NEMF: variants seen among roughly 807,000 people sequenced by gnomAD.
The protein encoded by NEMF is nuclear export mediator factor.
In NEMF, 89 loss-of-function variants were observed where a neutral mutation model predicts 162.2. The observed-to-expected ratio is 0.55, with a 90% CI of 0.46 to 0.65. The LOEUF is 0.65. Among genes scored for constraint, NEMF ranks in the 30% least tolerant of loss-of-function variants. The pLI is 0.00. For synonymous variants in NEMF, 421 were observed against 404.5 expected, an observed-to-expected ratio of 1.04 and a Z score of -0.49; for missense variants, 1,133 against 1,261.9, an observed-to-expected ratio of 0.90 and a Z score of 1.55.
At position 49,828,700 on chromosome 14, in the gene NEMF, T is replaced by C; in HGVS notation, c.1340A>G (p.Asn447Ser). The C allele has an allele frequency of 6.2e-7, 1 of 1,607,412 alleles. No homozygotes were observed. Among genetic ancestry groups the C allele is most frequent in the Non-Finnish European group, 8.5e-7 (1 of 1,178,250 alleles). The change falls in exon 14 of 33, where the codon AAT becomes AGT. Residue 447 changes from asparagine to serine, a missense_variant. Asn to Ser is a conservative substitution (Grantham distance 46, BLOSUM62 1). Transcript: ENST00000298310. ...PPKGKKKKQK[N>S]KQLQKPQKNK... The stretch of plus-strand genomic sequence containing the variant: ...TTTCTGAGGCTTCTGCAGCTGTTTA[T>C]TCTTTTGTTTTTTCTTTTTTCCTTT...
rs755762269 is a variant in NEMF at position 49,832,105 on chromosome 14, G to C, written c.828C>G (p.Phe276Leu). Residue 276 changes from phenylalanine to leucine, a missense_variant, in exon 10 of 33, where the codon TTC (phenylalanine) becomes TTG (leucine). By Grantham distance (22) the Phe-to-Leu change is conservative. This residue lies in a region of NEMF where 582 missense variants were observed against 631.5 expected (regional missense o/e 0.92). Coordinates refer to ENST00000298310, the MANE Select transcript of NEMF (RefSeq NM_004713.6). The part of the protein sequence containing the change: ...DILTYEEFHP[F>L]LFSQHSQCPY... ...GACATTGTGAATGTTGAGAAAACAA[G>C]AAAGGATGAAATTCCTCATACCTGT... 6.2e-7 allele frequency: 1 copy of C among 1,605,228 alleles called. No individual in the cohort carries two copies. Among genetic ancestry groups the C allele is most frequent in the South Asian group, 1.1e-5 (1 of 88,972 alleles).
At chr14:49,840,328 G>A (rs1893133872) in intron 5 of NEMF, among the ~76,000 whole-genome samples, 1 of 152,154 alleles carries the variant, frequency 6.6e-6, no homozygotes, top group South Asian at 2.1e-4. Flanking sequence ...TGGGCGTGGT[G>A]GCGCACGCCT....
chr14:49,786,511 TTCAGA>T (rs762575442), intron 29 of NEMF: 1 of 574,530 alleles, frequency 1.7e-6, no homozygotes, highest in Non-Finnish European at 3.1e-6. Flanking sequence ...ATCCCCATTC[TTCAGA>T]TGAGGAAACT....
chr14:49,832,423 C>G, intron 8 of NEMF, 146 bp from the exon 9 acceptor site: 1 of 575,744 alleles, frequency 1.7e-6, no homozygotes, highest in Non-Finnish European at 3.0e-6. Flanking sequence ...CCTCTGCCTC[C>G]CGGGTTCAAG....
chr14:49,816,549 C>T (rs541649426), intron 16 of NEMF, among the ~76,000 whole-genome samples: 10 of 152,172 alleles, frequency 6.6e-5, no homozygotes, highest in Admixed American at 3.3e-4. Flanking sequence ...CCTACGGATA[C>T]GTGATGTCAC....
chr14:49,803,427 A>T (rs774517421), intron 19 of NEMF, 133 bp from the exon 20 acceptor site: 7 of 547,196 alleles, frequency 1.3e-5, no homozygotes, highest in Non-Finnish European at 2.2e-5. Context: ...TTTCGTACAA[A>T]TTCTCAATAC....
intron 16 of NEMF, chr14:49,820,296 T>A: frequency 2.6e-6 from 1 of 391,406 alleles, no homozygotes; most frequent in South Asian, 1.9e-5. Flanking sequence ...TTTGTTGAAA[T>A]GACACATTTG....
chr14:49,799,414 G>C, intron 25 of NEMF, 61 bp downstream of exon 25: 2 of 1,356,970 alleles, frequency 1.5e-6, no homozygotes, highest in South Asian at 1.3e-5. Context: ...TGGTAGCTGA[G>C]CTATCAATTA....
intron 14 of NEMF, 22 bp from the exon 15 acceptor site, chr14:49,828,376 A>T (rs772003980): frequency 7.0e-7 from 1 of 1,426,210 alleles, no homozygotes. Flanking sequence ...TATTTCTCTT[A>T]AATTTTAAGT....
At chr14:49,834,147 G>A in intron 7 of NEMF, 1 of 593,576 alleles carries the variant, frequency 1.7e-6, no homozygotes, top group South Asian at 1.6e-5. Flanking sequence ...CTGGAGTGCA[G>A]CTGTGCAGTC....
rs922998006 is a variant in NEMF at position 49,827,099 on chromosome 14, T to A, written c.1489-1144A>T. Among the ~76,000 whole-genome samples, 5 of 152,300 alleles carry A rather than the reference T, an allele frequency of 3.3e-5. No individual in the cohort carries two copies. The South Asian group carries it at 6.2e-4, about 19-fold the overall frequency. ...AGGTCAGAGGGGAGGAGATCTCCCG[T>A]CCTTCTTGCAGGATAGGAGAAGGGC... On this transcript the variant is annotated intron_variant, in intron 15 of 32. Coordinates refer to ENST00000298310, the MANE Select transcript of NEMF (RefSeq NM_004713.6).
At chr14:49,837,502 AT>A (rs988451964) in intron 6 of NEMF, among the ~76,000 whole-genome samples, 1 of 152,144 alleles carries the variant, frequency 6.6e-6, no homozygotes, top group African/African-American at 2.4e-5. Flanking sequence ...AACAAAAAAA[AT>A]AAATTAAAAA....
At position 49,838,111 on chromosome 14, in the gene NEMF, T is replaced by C. The variant is rs1892997497; in HGVS notation, c.574+28A>G. The C allele has an allele frequency of 2.6e-6, 4 of 1,567,882 alleles. No individual in the cohort carries two copies. In the East Asian group the frequency reaches 9.0e-5, roughly 35 times the overall value. On this transcript the variant is annotated intron_variant, in intron 6 of 32. Coordinates refer to ENST00000298310, the MANE Select transcript of NEMF (RefSeq NM_004713.6). ...TGAAAACCACACTGCCTTGCAAACATTTCACTGCTATTTGCAGGAATACTC... is the reference window on the plus strand; with the variant it reads ...TGAAAACCACACTGCCTTGCAAACACTTCACTGCTATTTGCAGGAATACTC...
At chr14:49,843,972 G>A (rs1264274998) in intron 4 of NEMF, among the ~76,000 whole-genome samples, 1 of 151,946 alleles carries the variant, frequency 6.6e-6, no homozygotes, top group Non-Finnish European at 1.5e-5. Context: ...GGTAGTACAT[G>A]CCAGTAATAC....
In NEMF at chr14:49,813,971, A is replaced by C. The variant is rs1275616332; in HGVS notation, c.1744+17T>G. On this transcript the variant is annotated intron_variant, in intron 18 of 32. Coordinates refer to ENST00000298310, the MANE Select transcript of NEMF (RefSeq NM_004713.6). ...AAAGAAAGGAACAGGAATTCTGAAT[A>C]GAAAGAAATATATTACCTGTTGGAT... The C allele has an allele frequency of 3.6e-6, 5 of 1,405,844 alleles. No individual in the cohort carries two copies. The Admixed American group carries it at 5.3e-5, about 15-fold the overall frequency. The allele number at this position is 1,405,844 out of a possible 1,614,324, so 87.1% of individuals were successfully genotyped here.
intron 13 of NEMF, 117 bp downstream of exon 13, chr14:49,828,937 G>T (rs1351432937): frequency 2.3e-6 from 3 of 1,303,628 alleles, no homozygotes; most frequent in Non-Finnish European, 3.1e-6. Context: ...ATCTAAATTA[G>T]TTTTTTCCCT....
At chr14:49,824,107 T>C (rs1008108157) in intron 16 of NEMF, among the ~76,000 whole-genome samples, 2 of 151,794 alleles carry the variant, frequency 1.3e-5, no homozygotes, top group Non-Finnish European at 2.9e-5. Flanking sequence ...GAAGCGGAGG[T>C]TGCAGTGAGC....
intron 3 of NEMF, among the ~76,000 whole-genome samples, chr14:49,850,064 C>A (rs985330013): frequency 6.6e-6 from 1 of 152,026 alleles, no homozygotes; most frequent in East Asian, 1.9e-4. Context: ...AGGAAATGAA[C>A]ATGTATGGAG....
rs773420240 is a variant in NEMF, at chr14:49,832,252, A to G, written c.761T>C (p.Ile254Thr). 2 of 1,605,298 alleles carry G rather than the reference A, an allele frequency of 1.2e-6. No individual in the cohort carries two copies. Among genetic ancestry groups the G allele is most frequent in the Non-Finnish European group, 1.7e-6 (2 of 1,173,000 alleles). ...TTTATCTGCTTCCAAGCTTGGTTTT[A>G]TTTCTCTTTTCTGAATGATATATCC... ...GKGYIIQKRE[I>T]KPSLEADKPV... The change falls in exon 9 of 33, where the codon ATA becomes ACA. Residue 254 changes from isoleucine (I) to threonine (T), a missense_variant. Ile to Thr is a moderately conservative substitution (Grantham distance 89). Transcript: ENST00000298310.
Sources: allele counts gnomAD v4.1 joint callset (sites outside exome capture counted in the v4.1 genomes callset), GRCh38; gene constraint gnomAD v4.1.1; regional missense constraint gnomAD v4.1.1; transcripts MANE v1.5; gene names NCBI Gene and HGNC (gene_info 2026-07-23, HGNC 2026-07-21).